Variants in TPTE observed in about 807,000 individuals in gnomAD.
TPTE encodes putative tyrosine-protein phosphatase TPTE.
A neutral mutation model predicts 84.1 loss-of-function variants in TPTE; 59 were observed. That is an observed-to-expected ratio of 0.70 (90% CI 0.57 to 0.87). The LOEUF (loss-of-function observed/expected upper bound fraction) is 0.87, where lower values mean the gene tolerates loss of function less well. TPTE is among the 40% of genes least tolerant of loss of function. The probability of loss-of-function intolerance (pLI) is 0.00; values close to 1 mark genes in which losing one functional copy is unlikely to be tolerated. For synonymous variants in TPTE, 130 were observed against 223.5 expected, an observed-to-expected ratio of 0.58 and a Z score of 3.73; for missense variants, 382 against 659.6, an observed-to-expected ratio of 0.58 and a Z score of 4.61.
intron 3 of TPTE, among the ~76,000 whole-genome samples, chr21:10,529,183 C>G (rs879936668): frequency 6.9e-6 from 1 of 144,134 alleles, no homozygotes; most frequent in East Asian, 2.0e-4. Context: ...AACTCTGTCT[C>G]AAAAAAAAAA....
chr21:10,585,350 T>A (rs1314974033), intron 17 of TPTE, among the ~76,000 whole-genome samples: 1 of 152,302 alleles, frequency 6.6e-6, no homozygotes, highest in Non-Finnish European at 1.5e-5. Context: ...TTTCTGAATC[T>A]TTGAGATGAT....
chr21:10,545,560 T>A (rs1222546018), intron 7 of TPTE, among the ~76,000 whole-genome samples: 1 of 152,306 alleles, frequency 6.6e-6, no homozygotes. Context: ...ATATTTGATA[T>A]AACTCACCTT....
chr21:10,580,529 T>C (rs1444363975), intron 17 of TPTE, among the ~76,000 whole-genome samples: 1 of 152,310 alleles, frequency 6.6e-6, no homozygotes, highest in Non-Finnish European at 1.5e-5. Flanking sequence ...TTTTTGTATA[T>C]TGGGTGAGAT....
intron 2 of TPTE, 21 bp downstream of exon 2, chr21:10,524,709 T>C (rs10451850): frequency 2.0e-5 from 3 of 152,956 alleles, no homozygotes; most frequent in African/African-American, 7.2e-5. Context: ...CCAGGGCTTA[T>C]AGGGAGAAAC....
intron 7 of TPTE, among the ~76,000 whole-genome samples, chr21:10,545,966 G>A (rs2074459983): frequency 6.6e-6 from 1 of 152,096 alleles, no homozygotes; most frequent in Non-Finnish European, 1.5e-5. Flanking sequence ...GCATATATAT[G>A]TATATATACA....
intron 15 of TPTE, among the ~76,000 whole-genome samples, chr21:10,577,903 C>CTCTA (rs2075191423): frequency 6.6e-6 from 1 of 152,430 alleles, no homozygotes; most frequent in Admixed American, 6.5e-5. Context: ...GAGAGCAAGG[C>CTCTA]TCTAGATGGG....
intron 10 of TPTE, among the ~76,000 whole-genome samples, chr21:10,563,893 C>T (rs1376355284): frequency 1.8e-4 from 27 of 152,414 alleles, no homozygotes; most frequent in Admixed American, 5.2e-4. Flanking sequence ...TGGTGGCTCA[C>T]GCCTGTAATC....
intron 8 of TPTE, among the ~76,000 whole-genome samples, chr21:10,556,796 T>A (rs1177288721): frequency 6.6e-6 from 1 of 152,274 alleles, no homozygotes; most frequent in Non-Finnish European, 1.5e-5. Context: ...TGGCCAGTGA[T>A]GATGAGCATT....
intron 7 of TPTE, among the ~76,000 whole-genome samples, chr21:10,549,520 C>G (rs1393532100): frequency 6.6e-6 from 1 of 152,290 alleles, no homozygotes; most frequent in African/African-American, 2.4e-5. Context: ...CAAACAGAAG[C>G]CCTAAGAGCT....
chr21:10,535,071 C>T (rs1292632588), intron 3 of TPTE, among the ~76,000 whole-genome samples: 1 of 152,304 alleles, frequency 6.6e-6, no homozygotes, highest in African/African-American at 2.4e-5. Context: ...TGTTTGATAC[C>T]TCTTTGCTAG....
At chr21:10,565,963 G>A (rs12373943) in intron 10 of TPTE, among the ~76,000 whole-genome samples, 5,555 of 150,076 alleles carry the variant, frequency 0.037, 1 homozygote, top group African/African-American at 0.091. Context: ...AATTACTTGG[G>A]CTATACCTGA....
chr21:10,569,859 G>T (rs1810758), intron 13 of TPTE, 113 bp downstream of exon 13: 1 of 1,603,920 alleles, frequency 6.2e-7, no homozygotes, highest in Admixed American at 1.7e-5. Flanking sequence ...TATTCATGAG[G>T]ATATATGCTA....
intron 22 of TPTE, chr21:10,602,899 G>T: frequency 1.9e-6 from 1 of 517,944 alleles, no homozygotes; most frequent in East Asian, 5.4e-5. Flanking sequence ...CAGGTTTCCT[G>T]CGGGGAGGTC....
chr21:10,590,531 A>G lies in TPTE; in HGVS notation c.1089+8A>G, dbSNP rs777357798. ...ATATGTTCAACTGCAAAGGTATGAA[A>G]GATGTTCTACAAACTTTGTCTTAGG... On this transcript the variant is annotated splice_region_variant and intron_variant, in intron 18 of 23. Coordinates refer to ENST00000618007, the MANE Select transcript of TPTE (RefSeq NM_199261.4). The G allele has an allele frequency of 1.2e-6, 2 of 1,613,910 alleles. No homozygotes were observed. The highest frequency in any genetic ancestry group is 1.7e-5 in the Admixed American group (1 of 60,010).
intron 4 of TPTE, chr21:10,540,609 C>T (rs1345335051): frequency 9.7e-6 from 5 of 517,190 alleles, no homozygotes; most frequent in African/African-American, 7.7e-5. Context: ...ATTTCACCCC[C>T]TCCAGAGCTC....
intron 17 of TPTE, among the ~76,000 whole-genome samples, chr21:10,579,324 CT>C (rs1353347927): frequency 2.0e-5 from 3 of 152,312 alleles, no homozygotes; most frequent in Non-Finnish European, 2.9e-5. Flanking sequence ...CCCATCTCTA[CT>C]AAAAATTACA....
chr21:10,530,326 C>G (rs549832435), intron 3 of TPTE, among the ~76,000 whole-genome samples: 16 of 152,418 alleles, frequency 1.0e-4, no homozygotes, highest in African/African-American at 3.6e-4. Flanking sequence ...TTGACATATA[C>G]AGATATATGC....
intron 3 of TPTE, among the ~76,000 whole-genome samples, chr21:10,532,550 C>T (rs1236411819): frequency 1.3e-5 from 2 of 152,302 alleles, no homozygotes; most frequent in African/African-American, 2.4e-5. Context: ...TAGACTTTGC[C>T]ATGTGTTCCT....
chr21:10,535,111 T>C (rs1310081234), intron 3 of TPTE, among the ~76,000 whole-genome samples: 1 of 152,306 alleles, frequency 6.6e-6, no homozygotes, highest in Non-Finnish European at 1.5e-5. Flanking sequence ...ATCTTTGGCA[T>C]TCCTTGGCAG....
Sources: allele counts gnomAD v4.1 joint callset (sites outside exome capture counted in the v4.1 genomes callset), GRCh38; gene constraint gnomAD v4.1.1; transcripts MANE v1.5; gene names NCBI Gene and HGNC (gene_info 2026-07-23, HGNC 2026-07-21).